CRYBB2: variants seen among roughly 807,000 people sequenced by gnomAD.
The protein encoded by CRYBB2 is crystallin beta B2, also known as beta-crystallin B2.
CRYBB2 carries 12 observed loss-of-function variants against 24.3 expected under a neutral mutation model. The observed-to-expected ratio is 0.49, with a 90% CI of 0.32 to 0.80. The LOEUF is 0.80. Ranked by LOEUF, CRYBB2 falls within the 30% of genes least tolerant of loss-of-function variation. The pLI is 0.04. For missense variants in CRYBB2, 198 were observed against 268.5 expected, an observed-to-expected ratio of 0.74 and a Z score of 1.83; for synonymous variants, 98 against 101.6, an observed-to-expected ratio of 0.96 and a Z score of 0.21.
intron 2 of CRYBB2, among the ~76,000 whole-genome samples, chr22:25,223,373 G>A (rs1315391698): frequency 5.9e-5 from 9 of 152,108 alleles, no homozygotes; most frequent in Non-Finnish European, 7.3e-5. Flanking sequence ...AATACTATGT[G>A]CTAACCACCC....
upstream of CRYBB2, among the ~76,000 whole-genome samples, chr22:25,216,377 A>C (rs1935169800): frequency 6.6e-6 from 1 of 152,350 alleles, no homozygotes; most frequent in East Asian, 1.9e-4. Flanking sequence ...TTAGACATAG[A>C]ATCAGCCATG....
upstream of CRYBB2, among the ~76,000 whole-genome samples, chr22:25,218,745 G>A (rs923803908): frequency 3.2e-4 from 9 of 28,140 alleles, no homozygotes; most frequent in Admixed American, 9.2e-4. Context: ...GGGAGAGAGA[G>A]AGAGAGAGAG....
At chr22:25,225,528 G>C (rs564829947) in intron 3 of CRYBB2, among the ~76,000 whole-genome samples, 24 of 152,002 alleles carry the variant, frequency 1.6e-4, no homozygotes, top group Non-Finnish European at 3.2e-4. Context: ...CAGATTTTTT[G>C]GCACACTTGG....
intron 2 of CRYBB2, among the ~76,000 whole-genome samples, chr22:25,222,989 T>C (rs1222961431): frequency 6.6e-6 from 1 of 152,222 alleles, no homozygotes; most frequent in Non-Finnish European, 1.5e-5. Flanking sequence ...ATGTTACTAA[T>C]GGCTGCTGTG....
rs956884029 is a variant in CRYBB2 at position 25,220,064 on chromosome 22, G to A, written c.-27+398G>A. On this transcript the variant is annotated intron_variant, in intron 1 of 5. Transcript: ENST00000398215. ...AGTTTTCCTCCACATCTGCAATTAGGGGGCACCCACTCTGTGCCTAGCCTC... is the reference window on the plus strand; with the variant it reads ...AGTTTTCCTCCACATCTGCAATTAGAGGGCACCCACTCTGTGCCTAGCCTC... 5.9e-5 allele frequency among the ~76,000 whole-genome samples: 9 copies of A among 152,166 alleles called. No homozygotes were observed. The East Asian group carries it at 1.5e-3, about 26-fold the overall frequency.
Position 25,225,025 on chromosome 22 carries a change from G to A in CRYBB2, c.162G>A (p.Val54=). The A allele has an allele frequency of 6.3e-7, 1 of 1,597,650 alleles. No homozygotes were observed. Among genetic ancestry groups the A allele is most frequent in the Non-Finnish European group, 8.6e-7 (1 of 1,164,914 alleles). Residue 54 remains valine, a synonymous_variant, in exon 3 of 6, where the codon GTG becomes GTA. Coordinates refer to ENST00000398215, the MANE Select transcript of CRYBB2 (RefSeq NM_000496.3). ...TGGAGAAGGCAGGTTCTGTCCTAGT[G>A]CAGGCTGGACCGTAAGTACCTGGGT... The part of the protein sequence containing the change: ...TGVEKAGSVL[V]QAGPWVGYEQ...
At chr22:25,218,827 A>G (rs1447990033), upstream of CRYBB2, among the ~76,000 whole-genome samples, 2 of 119,160 alleles carry the variant, frequency 1.7e-5, no homozygotes, top group Admixed American at 1.5e-4. Context: ...AGAAAGAAAG[A>G]AAGAAAGAAA....
At chr22:25,212,769 C>T (rs2146080042) in exon 1 of CRYBB2, 1 of 152,280 alleles carries the variant, frequency 6.6e-6, no homozygotes, top group South Asian at 2.1e-4. Flanking sequence ...GGAATGAATA[C>T]CTACTAGGAG....
chr22:25,227,395 T>C (rs1252368763), intron 3 of CRYBB2, among the ~76,000 whole-genome samples: 1 of 152,008 alleles, frequency 6.6e-6, no homozygotes, highest in African/African-American at 2.4e-5. Flanking sequence ...AGGCTGACTG[T>C]GCATCTCTCT....
chr22:25,229,346 G>C (rs1935492107), intron 4 of CRYBB2, 90 bp from the exon 5 acceptor site: 9 of 1,518,824 alleles, frequency 5.9e-6, no homozygotes, highest in African/African-American at 2.8e-5. Context: ...GGGACATGCT[G>C]ATCCCAACTC....
At chr22:25,227,558 A>C (rs1935442327) in intron 3 of CRYBB2, among the ~76,000 whole-genome samples, 3 of 150,114 alleles carry the variant, frequency 2.0e-5, no homozygotes, top group Admixed American at 6.7e-5. Flanking sequence ...CCAGCATACT[A>C]TTGGCTTTAG....
Position 25,224,967 on chromosome 22 carries a change from A to G in CRYBB2, c.104A>G (p.Asn35Ser), listed in dbSNP as rs543736624. 3.7e-5 allele frequency: 59 copies of G among 1,613,474 alleles called. No individual in the cohort carries two copies. Among genetic ancestry groups the G allele is most frequent in the South Asian group, 2.6e-4 (24 of 91,058 alleles). ...TTTCAAGGCCACTCGCATGAGCTCA[A>G]TGGGCCCTGCCCCAACCTGAAGGAA... The part of the protein sequence containing the change: ...ENFQGHSHEL[N>S]GPCPNLKETG... Residue 35 changes from asparagine to serine, a missense_variant, in exon 3 of 6, where the codon AAT becomes AGT. Transcript: ENST00000398215.
chr22:25,218,120 G>A (rs894214704), upstream of CRYBB2, among the ~76,000 whole-genome samples: 34 of 151,008 alleles, frequency 2.3e-4, no homozygotes, highest in East Asian at 4.1e-4. Context: ...TTAGCCGGGC[G>A]TGTTGGCGGG....
chr22:25,218,780 A>AAAGAG (rs1935252747), upstream of CRYBB2, among the ~76,000 whole-genome samples: 1 of 23,420 alleles, frequency 4.3e-5, no homozygotes, highest in African/African-American at 1.4e-4. Context: ...AGAGAGAGAG[A>AAAGAG]AGAAAGAAAG....
At chr22:25,224,850 C>T in intron 2 of CRYBB2, 68 bp from the exon 3 acceptor site, 1 of 878,670 alleles carries the variant, frequency 1.1e-6, no homozygotes, top group Non-Finnish European at 2.0e-6. Context: ...GCTCCCTCCC[C>T]ACGTCTACCA....
At chr22:25,218,836 A>AAGAAAGAAAGAAAGAAAGAGAGAG (rs1569016534), upstream of CRYBB2, among the ~76,000 whole-genome samples, 12 of 96,788 alleles carry the variant, frequency 1.2e-4, no homozygotes. Context: ...GAAAGAAAGA[A>AAGAAAGAAAGAAAGAAAGAGAGAG]AGAGAAAGAA....
At chr22:25,214,466 A>G (rs1394875750) in intron 1 of CRYBB2, among the ~76,000 whole-genome samples, 1 of 152,256 alleles carries the variant, frequency 6.6e-6, no homozygotes, top group Non-Finnish European at 1.5e-5. Context: ...TGAAGTAGAA[A>G]TGAATAATGA....
upstream of CRYBB2, among the ~76,000 whole-genome samples, chr22:25,218,178 G>C (rs915768955): frequency 4.6e-5 from 7 of 151,682 alleles, no homozygotes; most frequent in African/African-American, 1.7e-4. Context: ...AGAATGGTGT[G>C]AACACGGGAG....
chr22:25,214,179 A>T (rs939014120), intron 1 of CRYBB2, among the ~76,000 whole-genome samples: 6 of 152,086 alleles, frequency 3.9e-5, no homozygotes, highest in Admixed American at 6.6e-5. Flanking sequence ...TCCCTAAAAA[A>T]TTTTTTTAAT....
Sources: allele counts gnomAD v4.1 joint callset (sites outside exome capture counted in the v4.1 genomes callset), GRCh38; gene constraint gnomAD v4.1.1; transcripts MANE v1.5; gene names NCBI Gene and HGNC (gene_info 2026-07-23, HGNC 2026-07-21).